Variants in SARNP observed in about 807,000 individuals in gnomAD.
SARNP encodes SAP domain containing ribonucleoprotein, also known as SAP domain-containing ribonucleoprotein.
A neutral mutation model predicts 38.1 loss-of-function variants in SARNP; 5 were observed. The observed-to-expected ratio is 0.13, with a 90% CI of 0.07 to 0.28. The LOEUF is 0.28. Among genes scored for constraint, SARNP ranks in the 10% least tolerant of loss-of-function variants. The pLI, the probability that SARNP is intolerant of heterozygous loss-of-function variation, is 1.00. For synonymous variants in SARNP, 84 were observed against 80.6 expected (o/e 1.04, Z -0.23); for missense variants, 180 against 243.9 (o/e 0.74, Z 1.75).
downstream of SARNP, chr12:55,752,725 G>A (rs967188518): frequency 6.6e-6 from 1 of 152,144 alleles, no homozygotes; most frequent in Admixed American, 6.6e-5. Flanking sequence ...CTTCCTGGAG[G>A]GAACCACTGC....
At chr12:55,768,598 T>C (rs1197701983) in intron 9 of SARNP, among the ~76,000 whole-genome samples, 2 of 151,138 alleles carry the variant, frequency 1.3e-5, no homozygotes, top group African/African-American at 2.4e-5. Flanking sequence ...AGGCTAATTT[T>C]TGTATTTTTA....
intron 9 of SARNP, among the ~76,000 whole-genome samples, chr12:55,777,076 T>C (rs1879202344): frequency 6.6e-6 from 1 of 152,134 alleles, no homozygotes; most frequent in East Asian, 1.9e-4. Context: ...TGCAAAGACA[T>C]TATGGAGGGG....
chr12:55,810,097 G>A (rs539940303), intron 1 of SARNP, among the ~76,000 whole-genome samples: 2 of 152,176 alleles, frequency 1.3e-5, no homozygotes, highest in African/African-American at 4.8e-5. Context: ...CATTAATCAT[G>A]CATTGCCCTG....
At chr12:55,767,828 C>G (rs560412195) in intron 9 of SARNP, among the ~76,000 whole-genome samples, 41 of 110,956 alleles carry the variant, frequency 3.7e-4, no homozygotes, top group African/African-American at 1.5e-3. Flanking sequence ...GCCTAGGCAA[C>G]AGAGCGAGAC....
At chr12:55,764,735 G>C (rs576136000) in intron 9 of SARNP, among the ~76,000 whole-genome samples, 1 of 150,202 alleles carries the variant, frequency 6.7e-6, no homozygotes, top group Non-Finnish European at 1.5e-5. Context: ...GGGAAGCTGA[G>C]GCAGGAGAAT....
intron 9 of SARNP, among the ~76,000 whole-genome samples, chr12:55,780,269 G>A (rs535596340): frequency 1.3e-5 from 2 of 152,206 alleles, no homozygotes; most frequent in South Asian, 2.1e-4. Flanking sequence ...TGGCCAATAT[G>A]GTGGAACCCC....
chr12:55,807,044 G>A (rs147353651), intron 1 of SARNP, among the ~76,000 whole-genome samples: 60 of 152,062 alleles, frequency 3.9e-4, no homozygotes, highest in African/African-American at 1.4e-3. Flanking sequence ...CCTCCCACCC[G>A]AACCTCCAGC....
chr12:55,806,141 T>G (rs1408480788), intron 1 of SARNP, among the ~76,000 whole-genome samples: 1 of 152,182 alleles, frequency 6.6e-6, no homozygotes, highest in Non-Finnish European at 1.5e-5. Flanking sequence ...TACTTAGGTT[T>G]GAATTCCAGT....
intron 6 of SARNP, 38 bp from the exon 7 acceptor site, chr12:55,794,425 T>G: frequency 6.3e-7 from 1 of 1,587,582 alleles, no homozygotes; most frequent in Non-Finnish European, 8.6e-7. Flanking sequence ...TAGGAAGCTG[T>G]TCACACTCCT....
intron 8 of SARNP, among the ~76,000 whole-genome samples, chr12:55,790,188 A>G (rs1055154124): frequency 4.0e-5 from 6 of 151,150 alleles, no homozygotes; most frequent in African/African-American, 1.5e-4. Flanking sequence ...AAAAAAAAAA[A>G]GCACTATCTA....
At chr12:55,795,516 G>A (rs1879795418) in intron 5 of SARNP, among the ~76,000 whole-genome samples, 1 of 152,206 alleles carries the variant, frequency 6.6e-6, no homozygotes, top group South Asian at 2.1e-4. Flanking sequence ...GGAATAGCTT[G>A]GTTCCAACAC....
chr12:55,800,090 C>G (rs1354188263), intron 4 of SARNP, among the ~76,000 whole-genome samples: 3 of 151,794 alleles, frequency 2.0e-5, no homozygotes, highest in African/African-American at 7.3e-5. Context: ...ACTCGGGAGG[C>G]TGAGGCAGGA....
At chr12:55,779,300 A>G (rs977305933) in intron 9 of SARNP, among the ~76,000 whole-genome samples, 2 of 152,180 alleles carry the variant, frequency 1.3e-5, no homozygotes, top group African/African-American at 2.4e-5. Flanking sequence ...TGAGGTATCA[A>G]TGGCTGAGGG....
intron 9 of SARNP, among the ~76,000 whole-genome samples, chr12:55,767,950 A>T (rs1199337271): frequency 6.6e-6 from 1 of 152,046 alleles, no homozygotes; most frequent in Admixed American, 6.6e-5. Flanking sequence ...TAAGAATTAG[A>T]TCCATTACCA....
At chr12:55,767,585 T>C (rs368468797) in intron 9 of SARNP, among the ~76,000 whole-genome samples, 2 of 151,546 alleles carry the variant, frequency 1.3e-5, no homozygotes, top group Non-Finnish European at 2.9e-5. Context: ...CAGTGGCTCA[T>C]GCCTGTAATC....
chr12:55,774,950 A>G (rs1324165680), intron 9 of SARNP, among the ~76,000 whole-genome samples: 4 of 141,508 alleles, frequency 2.8e-5, no homozygotes, highest in Admixed American at 1.5e-4. Context: ...ACAGTGGCGC[A>G]ATCTTGGCTC....
chr12:55,777,938 C>T (rs1245805893), intron 9 of SARNP, among the ~76,000 whole-genome samples: 1 of 152,126 alleles, frequency 6.6e-6, no homozygotes, highest in African/African-American at 2.4e-5. Context: ...TGTTCAACAG[C>T]AGTTGAATGG....
chr12:55,787,420 T>C (rs1879533009), intron 9 of SARNP, among the ~76,000 whole-genome samples: 1 of 152,156 alleles, frequency 6.6e-6, no homozygotes, highest in Non-Finnish European at 1.5e-5. Context: ...AACGCTTTCA[T>C]GCTGAGTTGG....
intron 5 of SARNP, among the ~76,000 whole-genome samples, chr12:55,795,571 C>T (rs936259408): frequency 6.6e-6 from 1 of 152,224 alleles, no homozygotes. Context: ...TTGTTTTATG[C>T]CATTCTAAAA....
Sources: allele counts gnomAD v4.1 joint callset (sites outside exome capture counted in the v4.1 genomes callset), GRCh38; gene constraint gnomAD v4.1.1; transcripts MANE v1.5; gene names NCBI Gene and HGNC (gene_info 2026-07-23, HGNC 2026-07-21).